Variants in MCF2L observed in about 807,000 individuals in gnomAD.
MCF2L encodes guanine nucleotide exchange factor DBS.
Under a neutral mutation model 153.4 loss-of-function variants are expected in MCF2L, and 97 were observed. That is an observed-to-expected ratio of 0.63 (90% CI 0.54 to 0.75). The LOEUF is 0.75. MCF2L is among the 30% of genes least tolerant of loss of function. MCF2L has a pLI of 0.00. For missense variants in MCF2L, 1,347 were observed against 1,495.2 expected, an observed-to-expected ratio of 0.90 and a Z score of 1.64; for synonymous variants, 659 against 632.2, an observed-to-expected ratio of 1.04 and a Z score of -0.64.
intron 2 of MCF2L, among the ~76,000 whole-genome samples, chr13:112,928,505 C>G (rs2081430526): frequency 6.6e-6 from 1 of 152,172 alleles, no homozygotes. Context: ...AAGATGCTAT[C>G]TAAATGGAAA....
chr13:113,075,970 T>C lies in MCF2L; in HGVS notation c.1313T>C (p.Met438Thr), dbSNP rs1198591326. The change falls in exon 12 of 30, where the codon ATG becomes ACG. Residue 438 changes from methionine (M) to threonine (T), a missense_variant. Physicochemically the swap from Met to Thr is moderately conservative, Grantham distance 81 (BLOSUM62 -1). This residue lies in a region of MCF2L where 820 missense variants were observed against 921.2 expected (regional missense o/e 0.89). Transcript: ENST00000535094. ...GGCAATGCTCTGTGTTTCCAGTCCA[T>C]GAAGTGGTGTGATGAAGGGATTTAC... ...LELHRRLETS[M>T]KWCDEGIYLL... 6.2e-7 allele frequency: 1 copy of C among 1,605,134 alleles called. No homozygotes were observed. The highest frequency in any genetic ancestry group is 1.7e-5 in the Admixed American group (1 of 58,864).
At chr13:112,957,755 CT>C (rs1271748426) in intron 2 of MCF2L, 6 of 152,152 alleles carry the variant, frequency 3.9e-5, no homozygotes, top group South Asian at 2.1e-4. Flanking sequence ...CCCTTGTAGT[CT>C]CTTCTTCCAC....
intron 2 of MCF2L, among the ~76,000 whole-genome samples, chr13:112,961,929 C>A (rs1172059965): frequency 2.0e-5 from 3 of 152,200 alleles, no homozygotes; most frequent in Non-Finnish European, 2.9e-5. Flanking sequence ...ACTCACCCAC[C>A]TCCTCCAGTT....
chr13:112,923,159 G>A (rs191476499), intron 2 of MCF2L, among the ~76,000 whole-genome samples: 1 of 151,314 alleles, frequency 6.6e-6, no homozygotes, highest in East Asian at 1.9e-4. Context: ...TCTCTCATGT[G>A]TGCATATTAC....
chr13:112,953,386 G>A (rs1566657919), intron 2 of MCF2L, among the ~76,000 whole-genome samples: 2 of 152,164 alleles, frequency 1.3e-5, no homozygotes, highest in Admixed American at 6.5e-5. Flanking sequence ...GCACAGCTGC[G>A]GGGAGGGGCT....
intron 1 of MCF2L, among the ~76,000 whole-genome samples, chr13:112,989,387 G>A (rs1368590663): frequency 1.7e-5 from 2 of 116,596 alleles, no homozygotes; most frequent in East Asian, 5.6e-4. Context: ...CCTGAGCAGG[G>A]GATGGAGCTA....
rs1264486385 is a variant in MCF2L at position 113,070,531 on chromosome 13, G to C, written c.996+358G>C. On this transcript the variant is annotated intron_variant, in intron 9 of 29. Coordinates refer to ENST00000535094, the MANE Select transcript of MCF2L (RefSeq NM_001112732.3). The surrounding 1 kb of genome is among the most constrained non-coding windows in gnomAD (Gnocchi z 5.6). ...GTGCCTGCTGTGTGCCAGACTGTAG[G>C]ACGGCGTCACAGTCATGAGGTGCAC... The C allele has an allele frequency of 5.9e-6, 1 of 170,170 alleles. No individual in the cohort carries two copies. The highest frequency in any genetic ancestry group is 1.9e-4 in the East Asian group (1 of 5,358). The allele number at this position is 170,170 out of a possible 1,614,324, so 10.5% of individuals were successfully genotyped here.
At chr13:113,069,973 C>T in intron 8 of MCF2L, 86 bp from the exon 9 acceptor site, 4 of 850,096 alleles carry the variant, frequency 4.7e-6, no homozygotes, top group Non-Finnish European at 7.6e-6. Context: ...GGAGATGAGC[C>T]TTGGGGTCGC....
chr13:112,922,507 A>G (rs2081362480), intron 2 of MCF2L, among the ~76,000 whole-genome samples: 1 of 151,988 alleles, frequency 6.6e-6, no homozygotes, highest in South Asian at 2.1e-4. Flanking sequence ...TTGAAGTAAA[A>G]ATCTGAAAGC....
intron 2 of MCF2L, among the ~76,000 whole-genome samples, chr13:112,927,301 T>C (rs1754903377): frequency 6.6e-6 from 1 of 152,198 alleles, no homozygotes; most frequent in African/African-American, 2.4e-5. Flanking sequence ...AATTTTTTAA[T>C]AGTCTTCTAG....
intron 25 of MCF2L, 74 bp from the exon 26 acceptor site, chr13:113,089,536 C>T: frequency 1.1e-6 from 1 of 935,280 alleles, no homozygotes. Flanking sequence ...CTGAATGCCT[C>T]AGGTCCTCAG....
chr13:112,981,932 T>C (rs1594468438), intron 1 of MCF2L, among the ~76,000 whole-genome samples: 1 of 152,192 alleles, frequency 6.6e-6, no homozygotes. Context: ...GATTGGAAGG[T>C]GGAGGAGTCA....
rs756079848 is a variant in MCF2L, at chr13:113,094,999, C to T, written c.3075+364C>T. ...CACCCAGCCTCCTGTAGAGCCCACT[C>T]GTGGGTGCACCTTCCTCAGAGGAGA... is the stretch of plus-strand genomic sequence containing the variant. On this transcript the variant is annotated intron_variant, in intron 27 of 29. Transcript: ENST00000535094. 3.6e-5 allele frequency: 50 copies of T among 1,376,748 alleles called. No homozygotes were observed. In the Admixed American group the frequency reaches 7.0e-4, roughly 19 times the overall value. 85.3% of individuals were successfully genotyped at this position (1,376,748 alleles called of 1,614,324 possible). A position where few individuals can be genotyped will look rare whatever the true frequency, so the allele number is the denominator to read the frequency against.
Position 112,919,705 on chromosome 13 carries a change from T to G in MCF2L, c.169+17334T>G, listed in dbSNP as rs74622195. Among the ~76,000 whole-genome samples, 337 of 152,352 alleles carry G rather than the reference T, an allele frequency of 2.2e-3. 7 individuals are homozygous for G. The East Asian group carries it at 0.035, about 16-fold the overall frequency. On this transcript the variant is annotated intron_variant, in intron 2 of 29. Transcript: ENST00000375608. ...ATTTGTAGTCTTTTCTTAGCTAGTT[T>G]AACATTTGTTCTTCATACCTACTAG...
intron 2 of MCF2L, among the ~76,000 whole-genome samples, chr13:112,948,028 A>G (rs772083061): frequency 2.0e-5 from 3 of 152,238 alleles, no homozygotes; most frequent in Non-Finnish European, 4.4e-5. Context: ...CCTGAGCCAT[A>G]GCTGTGTGAC....
chr13:112,938,952 C>A (rs1040883027), intron 2 of MCF2L, among the ~76,000 whole-genome samples: 6 of 152,206 alleles, frequency 3.9e-5, no homozygotes, highest in Admixed American at 3.9e-4. Flanking sequence ...TGGAGTGAAC[C>A]AGACATGTGG....
At chr13:113,089,792 C>T in intron 26 of MCF2L, 64 bp downstream of exon 26, 1 of 1,593,526 alleles carries the variant, frequency 6.3e-7, no homozygotes, top group Non-Finnish European at 8.6e-7. Context: ...ACGGAGTGCT[C>T]ACTGCATCCG....
At chr13:112,906,701 C>T (rs549068961) in intron 2 of MCF2L, among the ~76,000 whole-genome samples, 9 of 152,326 alleles carry the variant, frequency 5.9e-5, no homozygotes, top group Admixed American at 3.3e-4. Context: ...TTGGAAGGAC[C>T]GCTATCATCT....
chr13:113,050,732 G>A, intron 4 of MCF2L, among the ~76,000 whole-genome samples: 1 of 29,626 alleles, frequency 3.4e-5, no homozygotes, highest in South Asian at 2.2e-3. Flanking sequence ...GGGGCGGGGG[G>A]GGCGGGGGGA....
Sources: allele counts gnomAD v4.1 joint callset (sites outside exome capture counted in the v4.1 genomes callset), GRCh38; gene constraint gnomAD v4.1.1; regional missense constraint gnomAD v4.1.1; non-coding constraint Gnocchi (gnomAD v3.1); transcripts MANE v1.5; gene names NCBI Gene and HGNC (gene_info 2026-07-23, HGNC 2026-07-21).